POU6F2: variants seen among roughly 807,000 people sequenced by gnomAD.
The protein encoded by POU6F2 is POU class 6 homeobox 2.
A neutral mutation model predicts 71.3 loss-of-function variants in POU6F2; 31 were observed. That is an observed-to-expected ratio of 0.43 (90% CI 0.33 to 0.59). The LOEUF is 0.59. Ranked by LOEUF, POU6F2 falls within the 20% of genes least tolerant of loss-of-function variation. The pLI is 0.04. For missense variants in POU6F2, 783 were observed against 856.8 expected (o/e 0.91, Z 1.07); for synonymous variants, 347 against 355.7 (o/e 0.98, Z 0.27).
At chr7:39,044,958 C>A (rs1215644330) in intron 1 of POU6F2, among the ~76,000 whole-genome samples, 1 of 151,814 alleles carries the variant, frequency 6.6e-6, no homozygotes, top group African/African-American at 2.4e-5. Context: ...GGTTTGGTCC[C>A]TTTCTGAACC....
chr7:39,156,545 G>A (rs1221125901), intron 2 of POU6F2, among the ~76,000 whole-genome samples: 1 of 152,122 alleles, frequency 6.6e-6, no homozygotes, highest in African/African-American at 2.4e-5. Flanking sequence ...AAATTTGAGA[G>A]ATACTGCTTA....
chr7:39,289,521 T>C (rs1438487359), intron 4 of POU6F2, among the ~76,000 whole-genome samples: 1 of 152,244 alleles, frequency 6.6e-6, no homozygotes, highest in African/African-American at 2.4e-5. Flanking sequence ...CAAGGTCTTT[T>C]AGTATTCTGA....
At chr7:39,256,383 A>G (rs1399974706) in intron 4 of POU6F2, among the ~76,000 whole-genome samples, 2 of 152,060 alleles carry the variant, frequency 1.3e-5, no homozygotes, top group Admixed American at 6.6e-5. Context: ...AGGCTGGGGG[A>G]AAAAGAGGGA....
At chr7:39,088,108 A>G (rs1791292275) in intron 2 of POU6F2, among the ~76,000 whole-genome samples, 1 of 152,218 alleles carries the variant, frequency 6.6e-6, no homozygotes, top group Admixed American at 6.5e-5. Context: ...TTTTGAATTC[A>G]CTTAATTGTC....
chr7:39,123,846 T>G (rs967761874), intron 2 of POU6F2, among the ~76,000 whole-genome samples: 3 of 152,094 alleles, frequency 2.0e-5, no homozygotes, highest in Admixed American at 2.0e-4. Flanking sequence ...TCACATATGT[T>G]AAGAAGAAAA....
intron 5 of POU6F2, among the ~76,000 whole-genome samples, chr7:39,368,037 A>G (rs1259560052): frequency 1.3e-5 from 2 of 152,120 alleles, no homozygotes; most frequent in African/African-American, 2.4e-5. Context: ...AGGCACTACA[A>G]TGTTGAAATT....
intron 5 of POU6F2, among the ~76,000 whole-genome samples, chr7:39,376,775 T>C (rs558554309): frequency 8.7e-4 from 133 of 152,222 alleles, no homozygotes; most frequent in Admixed American, 1.4e-3. Flanking sequence ...CTCAAAATGA[T>C]ACTTTAAATA....
intron 6 of POU6F2, among the ~76,000 whole-genome samples, chr7:39,420,895 G>A (rs1787834805): frequency 6.6e-6 from 1 of 152,112 alleles, no homozygotes; most frequent in Non-Finnish European, 1.5e-5. Context: ...CTTAAAACAG[G>A]ACAGTCAGAA....
intron 4 of POU6F2, among the ~76,000 whole-genome samples, chr7:39,313,992 A>G (rs1785214547): frequency 6.6e-6 from 1 of 152,204 alleles, no homozygotes. Flanking sequence ...GAGAGCCCCC[A>G]ACTTCTTCTG....
chr7:39,287,538 G>A (rs115179231), intron 4 of POU6F2, among the ~76,000 whole-genome samples: 2,148 of 152,316 alleles, frequency 0.014, 50 homozygotes, highest in African/African-American at 0.049. Context: ...ATGTGTTCAT[G>A]TATGCAGAGT....
At chr7:39,060,842 G>C (rs1418382391) in intron 1 of POU6F2, among the ~76,000 whole-genome samples, 1 of 152,008 alleles carries the variant, frequency 6.6e-6, no homozygotes, top group African/African-American at 2.4e-5. Flanking sequence ...TGGAGGCTGA[G>C]GCAGGAGGAT....
chr7:39,260,092 T>C, intron 4 of POU6F2, among the ~76,000 whole-genome samples: 1 of 140,922 alleles, frequency 7.1e-6, no homozygotes, highest in Non-Finnish European at 1.5e-5. Context: ...ACCACACGCA[T>C]TCTCCATACC....
chr7:39,167,901 G>A (rs1246582990), intron 2 of POU6F2, among the ~76,000 whole-genome samples: 1 of 151,676 alleles, frequency 6.6e-6, no homozygotes, highest in Non-Finnish European at 1.5e-5. Flanking sequence ...TGGCTTTTAG[G>A]TTTTGGCTTT....
At chr7:39,096,131 C>T (rs902480972) in intron 2 of POU6F2, among the ~76,000 whole-genome samples, 5 of 152,124 alleles carry the variant, frequency 3.3e-5, no homozygotes, top group Admixed American at 6.5e-5. Flanking sequence ...GCACGGAGAG[C>T]TCAGTCCTCT....
intron 2 of POU6F2, among the ~76,000 whole-genome samples, chr7:39,136,497 G>A (rs1358198049): frequency 6.6e-6 from 1 of 152,190 alleles, no homozygotes; most frequent in Non-Finnish European, 1.5e-5. Context: ...GTAGAAAACA[G>A]TGGGAATGTT....
intron 6 of POU6F2, among the ~76,000 whole-genome samples, chr7:39,414,746 T>C (rs1787637384): frequency 6.7e-6 from 1 of 149,000 alleles, no homozygotes; most frequent in Non-Finnish European, 1.5e-5. Flanking sequence ...GAAAGAGTTA[T>C]CAATCGCTTT....
At chr7:39,086,482 T>C (rs866968459) in intron 2 of POU6F2, among the ~76,000 whole-genome samples, 4 of 152,044 alleles carry the variant, frequency 2.6e-5, no homozygotes, top group African/African-American at 9.7e-5. Context: ...TCAATACAAG[T>C]CGTGCTATGC....
intron 4 of POU6F2, among the ~76,000 whole-genome samples, chr7:39,318,899 T>G (rs1027424087): frequency 6.6e-6 from 1 of 152,072 alleles, no homozygotes; most frequent in Non-Finnish European, 1.5e-5. Context: ...TCCCAGCACT[T>G]TGGAGGGCTA....
At chr7:39,358,346 G>A (rs1352582993) in intron 5 of POU6F2, among the ~76,000 whole-genome samples, 1 of 152,124 alleles carries the variant, frequency 6.6e-6, no homozygotes, top group Non-Finnish European at 1.5e-5. Context: ...TTGGCCATGA[G>A]TTGATAATTA....
Sources: allele counts gnomAD v4.1 joint callset (sites outside exome capture counted in the v4.1 genomes callset), GRCh38; gene constraint gnomAD v4.1.1; transcripts MANE v1.5; gene names NCBI Gene and HGNC (gene_info 2026-07-23, HGNC 2026-07-21).